The following CNTN6 variants were observed in gnomAD, a reference collection of about 807,000 sequenced individuals.
CNTN6 encodes contactin 6.
Under a neutral mutation model 122.8 loss-of-function variants are expected in CNTN6, and 137 were observed. The observed-to-expected ratio is 1.12, with a 90% CI of 0.97 to 1.29. The LOEUF is 1.29. CNTN6 is among the 50% of genes most tolerant of loss of function. CNTN6 has a pLI of 0.00. For synonymous variants in CNTN6, 570 were observed against 426.0 expected (o/e 1.34, Z -4.16); for missense variants, 1,634 against 1,223.4 (o/e 1.34, Z -5.01).
intron 4 of CNTN6, among the ~76,000 whole-genome samples, chr3:1,270,136 A>ATG (rs1169297448): frequency 6.6e-6 from 1 of 152,198 alleles, no homozygotes; most frequent in African/African-American, 2.4e-5. Flanking sequence ...GAACACCATG[A>ATG]CTGAGTATAT....
At chr3:1,363,477 C>CT (rs1292131221) in intron 12 of CNTN6, among the ~76,000 whole-genome samples, 1 of 151,788 alleles carries the variant, frequency 6.6e-6, no homozygotes, top group Non-Finnish European at 1.5e-5. Context: ...ATGTATTTGA[C>CT]TTTTTTTGAT....
chr3:1,269,798 TA>T (rs201490644), intron 4 of CNTN6, among the ~76,000 whole-genome samples: 22 of 151,082 alleles, frequency 1.5e-4, no homozygotes, highest in South Asian at 4.2e-4. Flanking sequence ...TATTTTTTCA[TA>T]AAAAAAAATG....
chr3:1,242,163 T>C (rs977727471), intron 4 of CNTN6, among the ~76,000 whole-genome samples: 3 of 152,182 alleles, frequency 2.0e-5, no homozygotes, highest in African/African-American at 7.2e-5. Context: ...ATGGGGGCTG[T>C]CTGTGAAGCT....
chr3:1,298,678 G>A (rs978708305), intron 7 of CNTN6, among the ~76,000 whole-genome samples: 1 of 152,116 alleles, frequency 6.6e-6, no homozygotes, highest in Non-Finnish European at 1.5e-5. Context: ...GAGACAGATA[G>A]ACTAGACTGT....
chr3:1,182,262 C>A (rs532559697), intron 2 of CNTN6, among the ~76,000 whole-genome samples: 1 of 152,224 alleles, frequency 6.6e-6, no homozygotes, highest in East Asian at 1.9e-4. Flanking sequence ...CTTTTAGTAA[C>A]TTTATTTCCC....
At chr3:1,282,195 TA>T (rs1693583046) in intron 5 of CNTN6, among the ~76,000 whole-genome samples, 1 of 152,166 alleles carries the variant, frequency 6.6e-6, no homozygotes, top group Admixed American at 6.5e-5. Flanking sequence ...CAGGTACTTT[TA>T]TAGAGCTGTC....
At chr3:1,243,718 A>G (rs77534781) in intron 4 of CNTN6, among the ~76,000 whole-genome samples, 11 of 152,270 alleles carry the variant, frequency 7.2e-5, no homozygotes, top group African/African-American at 2.6e-4. Flanking sequence ...TAAAGAGTAA[A>G]TTGCTCGGCA....
chr3:1,177,625 T>C (rs547279785), intron 2 of CNTN6, among the ~76,000 whole-genome samples: 2 of 152,252 alleles, frequency 1.3e-5, no homozygotes, highest in South Asian at 4.1e-4. Context: ...CCTTTATTTC[T>C]CCATAATTTT....
At chr3:1,199,966 G>A (rs1027576154) in intron 2 of CNTN6, among the ~76,000 whole-genome samples, 1 of 152,126 alleles carries the variant, frequency 6.6e-6, no homozygotes, top group South Asian at 2.1e-4. Flanking sequence ...TTTGAAATCT[G>A]TATGGAAAAT....
chr3:1,125,598 T>A (rs192235831), intron 1 of CNTN6, among the ~76,000 whole-genome samples: 3 of 151,796 alleles, frequency 2.0e-5, no homozygotes, highest in African/African-American at 7.3e-5. Flanking sequence ...TGTAAAATGA[T>A]AGAAGAACTA....
At position 1,277,756 on chromosome 3, in the gene CNTN6, T is replaced by G. The variant is rs1188361483; in HGVS notation, c.359-657T>G. Among the ~76,000 whole-genome samples, 5 of 152,156 alleles carry G rather than the reference T, an allele frequency of 3.3e-5. No homozygotes were observed. In the East Asian group the frequency reaches 9.6e-4, roughly 29 times the overall value. ...AAAGAAGTTAAACAATTTAGGAGAA[T>G]GGGTGACCATTCTTCAGGAAGGTGG... On this transcript the variant is annotated intron_variant, in intron 4 of 22. Coordinates refer to ENST00000446702, the MANE Select transcript of CNTN6 (RefSeq NM_001289080.2).
In CNTN6 at chr3:1,209,544, A is replaced by G. The variant is rs1298672419; in HGVS notation, c.56-11143A>G. Among the ~76,000 whole-genome samples the G allele has an allele frequency of 3.3e-5, 5 of 152,202 alleles. No homozygotes were observed. In the East Asian group the frequency reaches 9.6e-4, roughly 29 times the overall value. On this transcript the variant is annotated intron_variant, in intron 2 of 22. Transcript: ENST00000446702. ...GAATCTAACTGATGCTTGATGTTCA[A>G]GCGTTATTGAACATATACTTTTGAA...
chr3:1,340,588 T>C (rs1419587162), intron 11 of CNTN6, among the ~76,000 whole-genome samples: 1 of 152,124 alleles, frequency 6.6e-6, no homozygotes, highest in Non-Finnish European at 1.5e-5. Flanking sequence ...TTAAAATAGG[T>C]ATAAGACTGT....
chr3:1,144,017 T>G (rs1221904207), intron 1 of CNTN6, among the ~76,000 whole-genome samples: 1 of 152,206 alleles, frequency 6.6e-6, no homozygotes, highest in Non-Finnish European at 1.5e-5. Context: ...AATCTCTAGA[T>G]TCCCAATGTA....
At chr3:1,297,096 A>G (rs765024252) in intron 6 of CNTN6, among the ~76,000 whole-genome samples, 1 of 152,170 alleles carries the variant, frequency 6.6e-6, no homozygotes, top group Non-Finnish European at 1.5e-5. Flanking sequence ...CCTTCTCACC[A>G]TAACCTCTTT....
At chr3:1,158,455 T>C (rs2093026946) in intron 2 of CNTN6, among the ~76,000 whole-genome samples, 2 of 152,192 alleles carry the variant, frequency 1.3e-5, no homozygotes, top group South Asian at 4.1e-4. Context: ...ATGGGTAGTT[T>C]ACAAATACTT....
intron 2 of CNTN6, among the ~76,000 whole-genome samples, chr3:1,156,609 T>TTTTTC (rs907203951): frequency 1.3e-5 from 2 of 149,238 alleles, no homozygotes; most frequent in South Asian, 4.2e-4. Flanking sequence ...TCTTTCTTTC[T>TTTTTC]TTTTCTTTTC....
At chr3:1,099,372 A>C (rs1574830158) in intron 1 of CNTN6, among the ~76,000 whole-genome samples, 1 of 151,904 alleles carries the variant, frequency 6.6e-6, no homozygotes, top group Admixed American at 6.6e-5. Context: ...AATGGCGGGA[A>C]CCCGGGGGGC....
At position 1,105,122 on chromosome 3, in the gene CNTN6, C is replaced by T. The variant is rs181740909; in HGVS notation, c.-83+12002C>T. ...TAAATTGTCCTTTAGGAAGACAACT[C>T]CCTCTGTACTTGCAGGCAGGTGAGT... On this transcript the variant is annotated intron_variant, in intron 1 of 22. Transcript: ENST00000446702. 2.3e-4 allele frequency among the ~76,000 whole-genome samples: 35 copies of T among 152,180 alleles called. No homozygotes were observed. The East Asian group carries it at 6.2e-3, about 27-fold the overall frequency.
Sources: gnomAD v4.1 joint callset for allele counts (sites outside exome capture counted in the v4.1 genomes callset) on GRCh38, gnomAD v4.1.1 for gene constraint, MANE v1.5 for transcripts, NCBI Gene and HGNC (gene_info 2026-07-23, HGNC 2026-07-21) for gene names.